CLSTN2: variants seen among roughly 807,000 people sequenced by gnomAD.
CLSTN2 encodes the protein calsyntenin-2.
In CLSTN2, 48 loss-of-function variants were observed where a neutral mutation model predicts 101.2. The ratio of observed to expected loss-of-function variants is 0.47; its 90% confidence interval spans 0.38 to 0.60. The LOEUF (loss-of-function observed/expected upper bound fraction) is 0.60, where lower values mean the gene tolerates loss of function less well. Among genes scored for constraint, CLSTN2 ranks in the 20% least tolerant of loss-of-function variants. CLSTN2 has a pLI of 0.00. For missense variants in CLSTN2, 1,160 were observed against 1,238.2 expected (o/e 0.94, Z 0.95); for synonymous variants, 481 against 463.6 (o/e 1.04, Z -0.48).
intron 2 of CLSTN2, among the ~76,000 whole-genome samples, chr3:140,321,717 C>T (rs961863220): frequency 1.3e-5 from 2 of 152,290 alleles, no homozygotes; most frequent in Admixed American, 6.5e-5. Flanking sequence ...AGTTAGGAGG[C>T]ATCCATGATT....
chr3:139,999,712 A>G (rs774284611), intron 1 of CLSTN2, among the ~76,000 whole-genome samples: 6 of 152,290 alleles, frequency 3.9e-5, no homozygotes, highest in Non-Finnish European at 7.4e-5. Flanking sequence ...TTGGTCTGAC[A>G]TATCTGTTAT....
chr3:140,300,888 T>A (rs2087052539), intron 2 of CLSTN2, among the ~76,000 whole-genome samples: 1 of 152,140 alleles, frequency 6.6e-6, no homozygotes, highest in African/African-American at 2.4e-5. Context: ...CATTATCTGC[T>A]GTCTGCAAGC....
At chr3:140,297,958 A>G (rs2087020166) in intron 2 of CLSTN2, among the ~76,000 whole-genome samples, 1 of 152,242 alleles carries the variant, frequency 6.6e-6, no homozygotes, top group Non-Finnish European at 1.5e-5. Flanking sequence ...ACATAAGTTG[A>G]ATGTATTAAA....
chr3:140,334,895 C>A (rs2087425157), intron 2 of CLSTN2, among the ~76,000 whole-genome samples: 1 of 152,154 alleles, frequency 6.6e-6, no homozygotes, highest in African/African-American at 2.4e-5. Context: ...TTATATTTAC[C>A]CCCAGAACCT....
At chr3:140,144,518 G>A (rs1333011478) in intron 1 of CLSTN2, among the ~76,000 whole-genome samples, 1 of 152,110 alleles carries the variant, frequency 6.6e-6, no homozygotes, top group Non-Finnish European at 1.5e-5. Flanking sequence ...CAGAGGCTGA[G>A]GCAGAGAGAA....
At chr3:140,416,669 T>A (rs1310517479) in intron 4 of CLSTN2, among the ~76,000 whole-genome samples, 1 of 152,206 alleles carries the variant, frequency 6.6e-6, no homozygotes, top group Non-Finnish European at 1.5e-5. Flanking sequence ...AAATTGAATA[T>A]TGTACCGGTG....
intron 2 of CLSTN2, among the ~76,000 whole-genome samples, chr3:140,387,104 C>A (rs959445139): frequency 2.6e-5 from 4 of 152,104 alleles, no homozygotes; most frequent in African/African-American, 9.7e-5. Context: ...TGAGGAAGTA[C>A]AGATTCTTGC....
chr3:140,202,205 C>T (rs2010726057), intron 2 of CLSTN2, among the ~76,000 whole-genome samples: 1 of 152,180 alleles, frequency 6.6e-6, no homozygotes, highest in Non-Finnish European at 1.5e-5. Flanking sequence ...GTGATAGGGC[C>T]TCTCTGCTCC....
At chr3:140,397,844 G>A (rs965067372) in intron 2 of CLSTN2, among the ~76,000 whole-genome samples, 6 of 152,176 alleles carry the variant, frequency 3.9e-5, no homozygotes, top group Admixed American at 3.9e-4. Context: ...GTACATGACT[G>A]TGTGACATTA....
intron 7 of CLSTN2, among the ~76,000 whole-genome samples, chr3:140,466,358 G>A (rs1353502725): frequency 6.6e-6 from 1 of 152,174 alleles, no homozygotes; most frequent in East Asian, 1.9e-4. Context: ...CAAGTTAGGT[G>A]GGTATTTAAA....
chr3:140,047,918 A>G (rs1375433501), intron 1 of CLSTN2, among the ~76,000 whole-genome samples: 1 of 152,242 alleles, frequency 6.6e-6, no homozygotes, highest in African/African-American at 2.4e-5. Flanking sequence ...GAAGTGGCCA[A>G]GTAGTCAAAC....
intron 1 of CLSTN2, among the ~76,000 whole-genome samples, chr3:140,060,189 T>C (rs2008178272): frequency 6.6e-6 from 1 of 152,196 alleles, no homozygotes; most frequent in Admixed American, 6.5e-5. Flanking sequence ...CCTTTGTTCT[T>C]ATAGCCTGGC....
At chr3:140,533,635 C>T (rs191177352) in intron 9 of CLSTN2, among the ~76,000 whole-genome samples, 1 of 145,704 alleles carries the variant, frequency 6.9e-6, no homozygotes, top group Non-Finnish European at 1.5e-5. Flanking sequence ...GGCATGAACC[C>T]GGGAGGTGGA....
At chr3:140,385,384 T>TTTA (rs1491538310) in intron 2 of CLSTN2, among the ~76,000 whole-genome samples, 1 of 105,340 alleles carries the variant, frequency 9.5e-6, no homozygotes, top group African/African-American at 3.6e-5. Context: ...TTTTTTTTTT[T>TTTA]ATCTGAGATG....
intron 1 of CLSTN2, among the ~76,000 whole-genome samples, chr3:140,165,321 T>C (rs986762159): frequency 1.3e-5 from 2 of 152,154 alleles, no homozygotes; most frequent in Non-Finnish European, 2.9e-5. Flanking sequence ...CTTCAGGTAT[T>C]GGAGATGCTG....
chr3:140,531,872 TG>T, intron 8 of CLSTN2, among the ~76,000 whole-genome samples: 1 of 152,166 alleles, frequency 6.6e-6, no homozygotes, highest in East Asian at 1.9e-4. Context: ...ACAAGTTGTG[TG>T]GGTATAAAGT....
intron 2 of CLSTN2, among the ~76,000 whole-genome samples, chr3:140,229,196 C>A (rs2086350429): frequency 6.6e-6 from 1 of 152,142 alleles, no homozygotes; most frequent in Non-Finnish European, 1.5e-5. Context: ...AGCCACCTAT[C>A]CATATCCAGG....
At chr3:140,505,332 G>A (rs1368802938) in intron 8 of CLSTN2, among the ~76,000 whole-genome samples, 4 of 152,180 alleles carry the variant, frequency 2.6e-5, no homozygotes, top group Non-Finnish European at 5.9e-5. Flanking sequence ...TCCCTGTGGT[G>A]AAAGGTCTGT....
chr3:140,363,505 T>C (rs1401078611), intron 2 of CLSTN2, among the ~76,000 whole-genome samples: 1 of 152,214 alleles, frequency 6.6e-6, no homozygotes, highest in Non-Finnish European at 1.5e-5. Flanking sequence ...TGAAATTGCT[T>C]TAAAAAATAG....
Sources: gnomAD v4.1 joint callset for allele counts (sites outside exome capture counted in the v4.1 genomes callset) on GRCh38, gnomAD v4.1.1 for gene constraint, MANE v1.5 for transcripts, NCBI Gene and HGNC (gene_info 2026-07-23, HGNC 2026-07-21) for gene names.